Variants in MRPL15 observed in about 807,000 individuals in gnomAD.
MRPL15 encodes mitochondrial ribosomal protein L15, also known as large ribosomal subunit protein uL15m.
In MRPL15, 24 loss-of-function variants were observed where a neutral mutation model predicts 28.0. The observed-to-expected ratio is 0.86, with a 90% CI of 0.62 to 1.21. MRPL15 has a LOEUF of 1.21. MRPL15 is among the 50% of genes most tolerant of loss of function. The pLI, the probability that MRPL15 is intolerant of heterozygous loss-of-function variation, is 0.00. For synonymous variants in MRPL15, 124 were observed against 137.0 expected, an observed-to-expected ratio of 0.90 and a Z score of 0.66; for missense variants, 343 against 372.4, an observed-to-expected ratio of 0.92 and a Z score of 0.65.
intron 3 of MRPL15, among the ~76,000 whole-genome samples, chr8:54,138,882 G>A (rs1810872704): frequency 6.6e-6 from 1 of 152,096 alleles, no homozygotes; most frequent in East Asian, 1.9e-4. Flanking sequence ...CTGGAGTACA[G>A]TGGTGTCATC....
chr8:54,146,572 T>A (rs556805478), intron 4 of MRPL15, among the ~76,000 whole-genome samples: 14 of 152,290 alleles, frequency 9.2e-5, no homozygotes, highest in African/African-American at 3.4e-4. Context: ...TTACATCAGG[T>A]AAACTTTGTA....
chr8:54,138,045 C>T (rs1330275276), intron 3 of MRPL15, among the ~76,000 whole-genome samples: 1 of 151,810 alleles, frequency 6.6e-6, no homozygotes, highest in African/African-American at 2.4e-5. Context: ...ACCTCTGCCT[C>T]CTGGGTTCAA....
At chr8:54,143,043 G>A (rs1810957132) in intron 4 of MRPL15, among the ~76,000 whole-genome samples, 1 of 152,052 alleles carries the variant, frequency 6.6e-6, no homozygotes, top group Non-Finnish European at 1.5e-5. Flanking sequence ...AGAATGTCTA[G>A]CAGGGACCTC....
At position 54,135,407 on chromosome 8, in the gene MRPL15, C is replaced by T; in HGVS notation, c.108+16C>T. 1.3e-6 allele frequency: 2 copies of T among 1,523,020 alleles called. No individual in the cohort carries two copies. Among genetic ancestry groups the T allele is most frequent in the Admixed American group, 2.1e-5 (1 of 47,896 alleles). 94.3% of individuals were successfully genotyped at this position (1,523,020 alleles called of 1,614,324 possible). On this transcript the variant is annotated intron_variant, in intron 1 of 4. Coordinates refer to ENST00000260102, the MANE Select transcript of MRPL15 (RefSeq NM_014175.4). Reference sequence around the variant, plus strand: ...CAAGAAACCGGTAAATGGGTGGTGGCGGTGCGGGGAAGCGCTGGGGACCCG... The same window carrying T: ...CAAGAAACCGGTAAATGGGTGGTGGTGGTGCGGGGAAGCGCTGGGGACCCG...
In MRPL15 at chr8:54,135,494, T is replaced by C. The variant is rs530130222; in HGVS notation, c.108+103T>C. The stretch of plus-strand genomic sequence containing the variant: ...AGAACTGCCCTTTCTAGGAGAGTGT[T>C]GGGATGAAAATAGGATTGCCTCATG... On this transcript the variant is annotated intron_variant, in intron 1 of 4. Coordinates refer to ENST00000260102, the MANE Select transcript of MRPL15 (RefSeq NM_014175.4). 1.4e-3 allele frequency: 1,384 copies of C among 965,676 alleles called. 2 individuals carry two copies. The highest frequency in any genetic ancestry group is 1.8e-3 in the Non-Finnish European group (1,194 of 676,556). The allele number at this position is 965,676 out of a possible 1,614,324, so 59.8% of individuals were successfully genotyped here.
intron 4 of MRPL15, among the ~76,000 whole-genome samples, chr8:54,143,754 TG>T (rs1810971356): frequency 6.6e-6 from 1 of 152,212 alleles, no homozygotes; most frequent in South Asian, 2.1e-4. Context: ...TTGTCCCTCC[TG>T]GTGTTCCCCT....
At chr8:54,145,150 C>T (rs961103662) in intron 4 of MRPL15, among the ~76,000 whole-genome samples, 10 of 152,218 alleles carry the variant, frequency 6.6e-5, no homozygotes, top group Non-Finnish European at 1.3e-4. Flanking sequence ...AATCCAATCA[C>T]AGGCTTATCA....
Position 54,148,079 on chromosome 8 carries a change from C to T in MRPL15, c.*360C>T, listed in dbSNP as rs1180015545. Among the ~76,000 whole-genome samples the T allele has an allele frequency of 1.3e-5, 2 of 152,146 alleles. No individual in the cohort carries two copies. The highest frequency in any genetic ancestry group is 2.9e-5 in the Non-Finnish European group (2 of 68,028). ...AGTGGAATGGGATTGACCTGTAGGC[C>T]TGCTCTGCCGAGATGAGAGCAGATG... On this transcript the variant is annotated 3_prime_UTR_variant, in exon 5 of 5. Coordinates refer to ENST00000260102, the MANE Select transcript of MRPL15 (RefSeq NM_014175.4).
At chr8:54,139,538 A>G (rs147753256) in intron 3 of MRPL15, among the ~76,000 whole-genome samples, 1,759 of 152,324 alleles carry the variant, frequency 0.012, 34 homozygotes, top group African/African-American at 0.04. Context: ...GTAACTTAAC[A>G]TATGGAAATC....
At chr8:54,137,074 A>G (rs942798929) in intron 2 of MRPL15, among the ~76,000 whole-genome samples, 194 bp from the exon 3 acceptor site, 1 of 152,224 alleles carries the variant, frequency 6.6e-6, no homozygotes, top group African/African-American at 2.4e-5. Context: ...AATAATTTTT[A>G]GTGGAACAAA....
chr8:54,142,362 G>C (rs1032133778), intron 3 of MRPL15, among the ~76,000 whole-genome samples: 1 of 151,758 alleles, frequency 6.6e-6, no homozygotes, highest in Admixed American at 6.6e-5. Context: ...CTCCATGTTG[G>C]GCAGGCTGGT....
At position 54,142,780 on chromosome 8, in the gene MRPL15, A is replaced by C; in HGVS notation, c.547A>C (p.Ser183Arg). 1 of 1,613,930 alleles carries C rather than the reference A, an allele frequency of 6.2e-7. No homozygotes were observed. The highest frequency in any genetic ancestry group is 8.5e-7 in the Non-Finnish European group (1 of 1,179,976). Residue 183 changes from serine (S) to arginine (R), a missense_variant, in exon 4 of 5, where the codon AGT (serine) becomes CGT (arginine). Ser to Arg is a moderately radical substitution (Grantham distance 110). Transcript: ENST00000260102. The part of the protein sequence containing the change: ...VVTTAFYDPR[S>R]LDIVCKPVPF... The stretch of plus-strand genomic sequence containing the variant: ...TACTACAGCCTTCTATGATCCAAGA[A>C]GTCTGGGTAAGTTTGTTCCACGGTC...
chr8:54,142,757 C>T lies in MRPL15; in HGVS notation c.524C>T (p.Thr175Ile), dbSNP rs753262234. 6.2e-7 allele frequency: 1 copy of T among 1,613,976 alleles called. No homozygotes were observed. Among genetic ancestry groups the T allele is most frequent in the South Asian group, 1.1e-5 (1 of 91,082 alleles). ...AAIEKNGGVVTTAFYDPRSLD... is the reference protein window; with the variant it reads ...AAIEKNGGVVITAFYDPRSLD... ...ATTGAAAAAAATGGTGGTGTTGTTA[C>T]TACAGCCTTCTATGATCCAAGAAGT... The change falls in exon 4 of 5, where the codon ACT (threonine) becomes ATT (isoleucine). Residue 175 changes from threonine to isoleucine, a missense_variant. Coordinates refer to ENST00000260102, the MANE Select transcript of MRPL15 (RefSeq NM_014175.4).
At position 54,147,385 on chromosome 8, in the gene MRPL15, TTG is replaced by T; in HGVS notation, c.559_560del (p.Val187MetfsTer29). 1 of 1,595,900 alleles carries T rather than the reference TTG, an allele frequency of 6.3e-7. No individual in the cohort carries two copies. The highest frequency in any genetic ancestry group is 1.7e-4 in the Middle Eastern group (1 of 5,928). On this transcript the variant is annotated frameshift_variant, in exon 5 of 5. Transcript: ENST00000260102. LOFTEE classifies it high-confidence loss of function. Reference sequence around the variant, plus strand: ...TTAAATTTAAATTTTCTTTTAGACATTGTATGCAAACCTGTTCCATTCTTTCT... The same window carrying T: ...TTAAATTTAAATTTTCTTTTAGACATTATGCAAACCTGTTCCATTCTTTCT...
chr8:54,140,569 C>CTTTT (rs1429577572), intron 3 of MRPL15, among the ~76,000 whole-genome samples: 1 of 101,508 alleles, frequency 9.9e-6, no homozygotes, highest in African/African-American at 4.2e-5. Context: ...ACTACATTTT[C>CTTTT]TTTTCTTTTT....
chr8:54,137,325 G>A lies in MRPL15; in HGVS notation c.321G>A (p.Leu107=), dbSNP rs1342174310. The A allele has an allele frequency of 3.1e-6, 5 of 1,613,876 alleles. No individual in the cohort carries two copies. The highest frequency in any genetic ancestry group is 4.2e-6 in the Non-Finnish European group (5 of 1,179,976). ...SLNRLQYLID[L]GRVDPSQPID... ...ATAGACTGCAGTATCTTATTGATTT[G>A]GGTCGTGTTGATCCTAGTCAACCTA... Residue 107 remains leucine, a synonymous_variant, in exon 3 of 5, where the codon TTG becomes TTA. Coordinates refer to ENST00000260102, the MANE Select transcript of MRPL15 (RefSeq NM_014175.4).
At chr8:54,141,699 C>T (rs991787078) in intron 3 of MRPL15, among the ~76,000 whole-genome samples, 1 of 152,136 alleles carries the variant, frequency 6.6e-6, no homozygotes, top group African/African-American at 2.4e-5. Flanking sequence ...CACATCCTCC[C>T]ATATACTTTA....
At chr8:54,136,437 CAA>C in intron 1 of MRPL15, 72 bp from the exon 2 acceptor site, 1 of 1,514,774 alleles carries the variant, frequency 6.6e-7, no homozygotes, top group East Asian at 2.3e-5. Context: ...AACAGCATAA[CAA>C]AAAGTGAAGA....
At position 54,147,905 on chromosome 8, in the gene MRPL15, A is replaced by G; in HGVS notation, c.*186A>G. The G allele has an allele frequency of 3.6e-6, 2 of 552,000 alleles. No individual in the cohort carries two copies. Among genetic ancestry groups the G allele is most frequent in the Non-Finnish European group, 6.2e-6 (2 of 320,276 alleles). The allele number at this position is 552,000 out of a possible 1,614,324, so 34.2% of individuals were successfully genotyped here. On this transcript the variant is annotated 3_prime_UTR_variant, in exon 5 of 5. Coordinates refer to ENST00000260102, the MANE Select transcript of MRPL15 (RefSeq NM_014175.4). ...AAACAAGGACTGCATAGAGAAACTG[A>G]GTCTGTGTGGGTTCTGTCTCAAAGA...
Sources: gnomAD v4.1 joint callset for allele counts (sites outside exome capture counted in the v4.1 genomes callset) on GRCh38, gnomAD v4.1.1 for gene constraint, MANE v1.5 for transcripts, NCBI Gene and HGNC (gene_info 2026-07-23, HGNC 2026-07-21) for gene names.